Variants in TMEM131L observed in about 807,000 individuals in gnomAD.
TMEM131L encodes the protein transmembrane 131 like.
In TMEM131L, 54 loss-of-function variants were observed where a neutral mutation model predicts 192.2. The observed-to-expected ratio is 0.28, with a 90% CI of 0.23 to 0.35. TMEM131L has a LOEUF of 0.35. Ranked by LOEUF, TMEM131L falls within the 10% of genes least tolerant of loss-of-function variation. The pLI, the probability that TMEM131L is intolerant of heterozygous loss-of-function variation, is 1.00. For synonymous variants in TMEM131L, 701 were observed against 704.9 expected, an observed-to-expected ratio of 0.99 and a Z score of 0.09; for missense variants, 1,888 against 1,972.9, an observed-to-expected ratio of 0.96 and a Z score of 0.82.
chr4:153,591,316 A>C (rs1231023215), intron 17 of TMEM131L, 122 bp downstream of exon 17: 2 of 858,950 alleles, frequency 2.3e-6, no homozygotes, highest in Non-Finnish European at 3.4e-6. Flanking sequence ...CGATGTCAAA[A>C]GAACTAGATG....
intron 3 of TMEM131L, among the ~76,000 whole-genome samples, chr4:153,514,540 C>A (rs534628662): frequency 6.6e-6 from 1 of 152,046 alleles, no homozygotes; most frequent in African/African-American, 2.4e-5. Context: ...TCTTTAAAGC[C>A]CTCTACAAAT....
Position 153,635,507 on chromosome 4 carries a change from C to T in TMEM131L, c.4493C>T (p.Ser1498Phe), listed in dbSNP as rs764191477. 4.3e-6 allele frequency: 7 copies of T among 1,614,052 alleles called. No homozygotes were observed. The highest frequency in any genetic ancestry group is 5.9e-6 in the Non-Finnish European group (7 of 1,179,976). ...GACTTTATTGATCACAACTCTCAGT[C>T]TACCTGGAACACCCCACCCAACATG... ...QTDFIDHNSQ[S>F]TWNTPPNMPA... The change falls in exon 34 of 35, where the codon TCT becomes TTT. Residue 1498 changes from serine (S) to phenylalanine (F), a missense_variant. Transcript: ENST00000409959.
At chr4:153,620,970 G>A in intron 27 of TMEM131L, 90 bp downstream of exon 27, 1 of 875,344 alleles carries the variant, frequency 1.1e-6, no homozygotes, top group Non-Finnish European at 1.8e-6. Flanking sequence ...TTATTTCGGT[G>A]ATATTAGATA....
At chr4:153,466,568 C>T (rs1730760401) in intron 1 of TMEM131L, 47 bp downstream of exon 1, 4 of 1,274,454 alleles carry the variant, frequency 3.1e-6, no homozygotes, top group South Asian at 2.4e-5. Flanking sequence ...ACCCCGCCCC[C>T]GCTCTTTCTT....
At chr4:153,582,215 T>C (rs1487563828) in intron 9 of TMEM131L, among the ~76,000 whole-genome samples, 2 of 151,964 alleles carry the variant, frequency 1.3e-5, no homozygotes, top group African/African-American at 2.4e-5. Context: ...TTTTATTCTT[T>C]GGGTTTTTTT....
intron 7 of TMEM131L, among the ~76,000 whole-genome samples, chr4:153,566,671 A>G (rs565976874): frequency 6.6e-6 from 1 of 152,302 alleles, no homozygotes; most frequent in East Asian, 1.9e-4. Flanking sequence ...GAAATGAAAC[A>G]TTAGAAATAA....
At chr4:153,478,729 G>T (rs1276390258) in intron 3 of TMEM131L, among the ~76,000 whole-genome samples, 1 of 151,720 alleles carries the variant, frequency 6.6e-6, no homozygotes, top group Non-Finnish European at 1.5e-5. Flanking sequence ...TTATACTTTG[G>T]GTTATAATCC....
intron 14 of TMEM131L, among the ~76,000 whole-genome samples, chr4:153,587,023 T>C (rs915254649): frequency 2.6e-5 from 4 of 152,202 alleles, no homozygotes; most frequent in African/African-American, 7.2e-5. Flanking sequence ...TGCAACCATC[T>C]TTATTTTTTT....
At chr4:153,510,720 A>AAACAAAAC (rs1426323736) in intron 3 of TMEM131L, among the ~76,000 whole-genome samples, 1 of 152,134 alleles carries the variant, frequency 6.6e-6, no homozygotes, top group African/African-American at 2.4e-5. Flanking sequence ...TTTACAAACA[A>AAACAAAAC]AACAAAACAA....
chr4:153,510,417 C>T (rs1734274787), intron 3 of TMEM131L, among the ~76,000 whole-genome samples: 1 of 152,188 alleles, frequency 6.6e-6, no homozygotes, highest in African/African-American at 2.4e-5. Context: ...TTTCCTTTCA[C>T]ACCTTCTCTT....
chr4:153,512,205 T>G (rs112798070), intron 3 of TMEM131L, among the ~76,000 whole-genome samples: 122 of 152,372 alleles, frequency 8.0e-4, no homozygotes, highest in Middle Eastern at 6.8e-3. Context: ...TATTTAAAAC[T>G]CAGTATTTAT....
chr4:153,518,723 C>T (rs374946765), intron 3 of TMEM131L, among the ~76,000 whole-genome samples: 2 of 152,248 alleles, frequency 1.3e-5, no homozygotes, highest in African/African-American at 4.8e-5. Flanking sequence ...TATGTTGGTA[C>T]GAGTTTACTG....
At chr4:153,466,968 A>C (rs942482807) in intron 1 of TMEM131L, among the ~76,000 whole-genome samples, 3 of 146,406 alleles carry the variant, frequency 2.0e-5, no homozygotes, top group Non-Finnish European at 1.5e-5. Flanking sequence ...TCGTCCCCCC[A>C]CCCCCAGCAC....
chr4:153,508,515 G>C (rs1485366529), intron 3 of TMEM131L, among the ~76,000 whole-genome samples: 1 of 152,056 alleles, frequency 6.6e-6, no homozygotes, highest in African/African-American at 2.4e-5. Flanking sequence ...TGGGTGCCAG[G>C]CAATGTGCTA....
intron 3 of TMEM131L, among the ~76,000 whole-genome samples, chr4:153,474,398 C>G (rs1294794640): frequency 6.6e-6 from 1 of 152,134 alleles, no homozygotes; most frequent in East Asian, 1.9e-4. Context: ...CACACAGCAG[C>G]GGGAACAGTG....
chr4:153,475,074 C>A (rs949247224), intron 3 of TMEM131L, among the ~76,000 whole-genome samples: 1 of 152,200 alleles, frequency 6.6e-6, no homozygotes, highest in Non-Finnish European at 1.5e-5. Context: ...CTCTTTTCTC[C>A]ACGTTACAAA....
intron 7 of TMEM131L, among the ~76,000 whole-genome samples, chr4:153,564,817 C>T (rs528332875): frequency 6.6e-6 from 1 of 152,328 alleles, no homozygotes; most frequent in East Asian, 1.9e-4. Flanking sequence ...TGAGCCCTCT[C>T]TTGTTTACAG....
chr4:153,495,858 C>T (rs1254256982), intron 3 of TMEM131L, among the ~76,000 whole-genome samples: 1 of 152,166 alleles, frequency 6.6e-6, no homozygotes, highest in Non-Finnish European at 1.5e-5. Flanking sequence ...GCATGATTCC[C>T]AGCTTGACCT....
intron 4 of TMEM131L, among the ~76,000 whole-genome samples, chr4:153,550,606 G>C (rs988870281): frequency 6.6e-6 from 1 of 152,170 alleles, no homozygotes; most frequent in African/African-American, 2.4e-5. Context: ...GATTACAGGC[G>C]CGAGCCACCA....
Sources: gnomAD v4.1 joint callset for allele counts (sites outside exome capture counted in the v4.1 genomes callset) on GRCh38, gnomAD v4.1.1 for gene constraint, MANE v1.5 for transcripts, NCBI Gene and HGNC (gene_info 2026-07-23, HGNC 2026-07-21) for gene names.